COL4A4: variants seen among roughly 807,000 people sequenced by gnomAD.
The protein encoded by COL4A4 is collagen alpha-4(IV) chain.
COL4A4 carries 105 observed loss-of-function variants against 192.9 expected under a neutral mutation model. The ratio of observed to expected loss-of-function variants is 0.54; its 90% CI spans 0.46 to 0.64. The LOEUF is 0.64. COL4A4 is among the 30% of genes least tolerant of loss of function. The pLI is 0.00. For synonymous variants in COL4A4, 762 were observed against 769.9 expected (o/e 0.99, Z 0.17); for missense variants, 1,967 against 2,169.3 (o/e 0.91, Z 1.85).
At chr2:227,160,789 A>G (rs2064764743) in intron 1 of COL4A4, among the ~76,000 whole-genome samples, 1 of 152,230 alleles carries the variant, frequency 6.6e-6, no homozygotes, top group Non-Finnish European at 1.5e-5. Context: ...TAATCCACAG[A>G]TGATAGTGCA....
Position 227,111,704 on chromosome 2 carries a change from C to T in COL4A4, c.568G>A (p.Gly190Arg), listed in dbSNP as rs773010701. ...GAVKGIQGDR[G>R]DPGLPGLPGS... Reference sequence around the variant, plus strand: ...GGTAAGCCAGGCAGTCCTGGGTCCCCTCTGTCTCCCTGCAAAAATAAGAAT... The same window carrying T: ...GGTAAGCCAGGCAGTCCTGGGTCCCTTCTGTCTCCCTGCAAAAATAAGAAT... The change falls in exon 9 of 48, where the codon GGG becomes AGG. Residue 190 changes from glycine to arginine, a missense_variant. By Grantham distance (125) the Gly-to-Arg change is moderately radical. Transcript: ENST00000396625. The T allele has an allele frequency of 1.2e-6, 2 of 1,614,092 alleles. No homozygotes were observed. Among genetic ancestry groups the T allele is most frequent in the Non-Finnish European group, 1.7e-6 (2 of 1,179,956 alleles).
At position 227,041,778 on chromosome 2, in the gene COL4A4, G is replaced by GAAA. The variant is rs1559475987; in HGVS notation, c.3505+369_3505+370insTTT. Among the ~76,000 whole-genome samples, 28 of 68,012 alleles carry GAAA rather than the reference G, an allele frequency of 4.1e-4. 4 individuals carry two copies. The highest frequency in any genetic ancestry group is 1.7e-3 in the East Asian group (3 of 1,756). The allele number at this position is 68,012 out of a possible 152,430, so 44.6% of individuals were successfully genotyped here. On this transcript the variant is annotated intron_variant, in intron 37 of 47. Transcript: ENST00000396625. ...AGGAAGGAAGGAAGGAAGGAAGGAA[G>GAAA]GAAGGAAGGGAAAGAAAGAAAGAAA...
intron 12 of COL4A4, among the ~76,000 whole-genome samples, chr2:227,104,504 C>T (rs2060706809): frequency 6.6e-6 from 1 of 150,812 alleles, no homozygotes; most frequent in Admixed American, 6.6e-5. Flanking sequence ...ATGGCATGAA[C>T]CTGGGAGGTG....
the COL4A4 span, among the ~76,000 whole-genome samples, chr2:226,968,756 G>A: frequency 1.3e-5 from 2 of 152,160 alleles, no homozygotes; most frequent in Non-Finnish European, 2.9e-5. Flanking sequence ...ATTAGCCAAA[G>A]GAAACAATAA....
At chr2:227,057,813 T>A (rs563255403) in intron 28 of COL4A4, among the ~76,000 whole-genome samples, 1 of 152,362 alleles carries the variant, frequency 6.6e-6, no homozygotes, top group Non-Finnish European at 1.5e-5. Context: ...AGTTACTTGA[T>A]AAGGTTATGT....
intron 12 of COL4A4, among the ~76,000 whole-genome samples, chr2:227,107,756 C>CTT (rs71036157): frequency 2.0e-3 from 215 of 109,166 alleles, no homozygotes; most frequent in African/African-American, 6.8e-3. Flanking sequence ...AATCACTTTT[C>CTT]TTTTTTTTTT....
chr2:226,980,355 C>G, the COL4A4 span, among the ~76,000 whole-genome samples: 5 of 152,262 alleles, frequency 3.3e-5, no homozygotes, highest in African/African-American at 1.2e-4. Flanking sequence ...TTGTAAGACA[C>G]CGGTATCCAC....
intron 37 of COL4A4, among the ~76,000 whole-genome samples, chr2:227,038,104 C>T (rs1970057160): frequency 1.3e-5 from 2 of 152,312 alleles, no homozygotes; most frequent in South Asian, 4.1e-4. Flanking sequence ...CCTTTTGTTG[C>T]CACTGCTTTA....
chr2:227,064,135 T>C (rs1226558809), intron 25 of COL4A4, among the ~76,000 whole-genome samples: 1 of 152,164 alleles, frequency 6.6e-6, no homozygotes, highest in African/African-American at 2.4e-5. Context: ...CAAAATTACC[T>C]TTCTGGGTGA....
chr2:227,107,459 A>G (rs967506582), intron 12 of COL4A4, among the ~76,000 whole-genome samples: 1 of 152,166 alleles, frequency 6.6e-6, no homozygotes, highest in Non-Finnish European at 1.5e-5. Context: ...TGTAACCTGT[A>G]CTTTCTGTTC....
chr2:226,973,791 G>A, the COL4A4 span, among the ~76,000 whole-genome samples: 1 of 152,212 alleles, frequency 6.6e-6, no homozygotes, highest in Non-Finnish European at 1.5e-5. Flanking sequence ...AGTGAAGTAG[G>A]TCGTATCTTT....
intron 35 of COL4A4, among the ~76,000 whole-genome samples, chr2:227,046,054 T>A (rs1176705448): frequency 4.6e-4 from 63 of 137,936 alleles, no homozygotes; most frequent in Non-Finnish European, 6.7e-4. Flanking sequence ...ATATATACTA[T>A]CTAAACATAT....
At chr2:227,108,008 A>C (rs2060962042) in intron 12 of COL4A4, among the ~76,000 whole-genome samples, 1 of 152,120 alleles carries the variant, frequency 6.6e-6, no homozygotes, top group Admixed American at 6.5e-5. Context: ...CACCCGCCTC[A>C]GCCTCCCAAA....
chr2:226,994,009 T>A, the COL4A4 span, among the ~76,000 whole-genome samples: 1 of 152,100 alleles, frequency 6.6e-6, no homozygotes, highest in Non-Finnish European at 1.5e-5. Context: ...CCAGCCAGGC[T>A]AGTGCTGCCA....
chr2:226,977,704 C>G, the COL4A4 span, among the ~76,000 whole-genome samples: 1 of 152,176 alleles, frequency 6.6e-6, no homozygotes, highest in Admixed American at 6.5e-5. Flanking sequence ...AGAGCAGCCC[C>G]TATATCAGGC....
Position 227,101,847 on chromosome 2 carries a change from A to G in COL4A4, c.975+18T>C, listed in dbSNP as rs1284917339. The G allele has an allele frequency of 2.9e-5, 45 of 1,547,118 alleles. No homozygotes were observed. Among genetic ancestry groups the G allele is most frequent in the Non-Finnish European group, 4.0e-5 (45 of 1,129,026 alleles). ...CTAATGAAATGTATTTATTATCTCT[A>G]TAATGAGGTACATTTACCTTTAATC... On this transcript the variant is annotated intron_variant, in intron 16 of 47. Transcript: ENST00000396625.
At chr2:227,044,311 C>T (rs1972009775) in intron 35 of COL4A4, among the ~76,000 whole-genome samples, 1 of 152,122 alleles carries the variant, frequency 6.6e-6, no homozygotes, top group South Asian at 2.1e-4. Context: ...ATGACTATTT[C>T]CCCGTGTGTT....
rs200817090 is a variant in COL4A4, at chr2:227,102,791, G to A, written c.928C>T (p.Arg310Trp). The change falls in exon 15 of 48, where the codon CGG becomes TGG. Residue 310 changes from arginine (R) to tryptophan (W), a missense_variant and splice_region_variant. Physicochemically the swap from Arg to Trp is moderately radical, Grantham distance 101. Coordinates refer to ENST00000396625, the MANE Select transcript of COL4A4 (RefSeq NM_000092.5). ...EKGIPGFPGP[R>W]GDPGSYGSPG... ...TGTTAACAGCAAATGATGCTTACCC[G>A]AGGCCCTGGAAATCCAGGAATACCT... 5.0e-5 allele frequency: 80 copies of A among 1,612,820 alleles called. No individual in the cohort carries two copies. Among genetic ancestry groups the A allele is most frequent in the South Asian group, 1.4e-4 (13 of 91,062 alleles).
chr2:227,059,772 C>A, intron 27 of COL4A4, 149 bp from the exon 28 acceptor site: 3 of 708,894 alleles, frequency 4.2e-6, no homozygotes, highest in Non-Finnish European at 7.3e-6. Flanking sequence ...TGTTGTTTTG[C>A]CACCTTTTGT....
Sources: allele counts gnomAD v4.1 joint callset (sites outside exome capture counted in the v4.1 genomes callset), GRCh38; gene constraint gnomAD v4.1.1; transcripts MANE v1.5; gene names NCBI Gene and HGNC (gene_info 2026-07-23, HGNC 2026-07-21).